Variants in NRXN1 observed in about 807,000 individuals in gnomAD.
NRXN1 encodes neurexin 1, also known as neurexin-1.
Under a neutral mutation model 150.9 loss-of-function variants are expected in NRXN1, and 39 were observed. The ratio of observed to expected loss-of-function variants is 0.26; its 90% confidence interval spans 0.20 to 0.34. The LOEUF (loss-of-function observed/expected upper bound fraction) is 0.34, where lower values mean the gene tolerates loss of function less well. Ranked by LOEUF, NRXN1 falls within the 10% of genes least tolerant of loss-of-function variation. The pLI is 1.00. For synonymous variants in NRXN1, 924 were observed against 757.0 expected (o/e 1.22, Z -3.62); for missense variants, 1,815 against 1,949.9 (o/e 0.93, Z 1.30).
chr2:50,801,381 T>A (rs1297643161), intron 5 of NRXN1, among the ~76,000 whole-genome samples: 1 of 152,170 alleles, frequency 6.6e-6, no homozygotes, highest in African/African-American at 2.4e-5. Flanking sequence ...GTATTGTGAA[T>A]CACTTTATTT....
intron 5 of NRXN1, among the ~76,000 whole-genome samples, chr2:50,641,146 T>C (rs1346099845): frequency 1.3e-5 from 2 of 152,076 alleles, no homozygotes; most frequent in African/African-American, 4.8e-5. Context: ...CAAAAAATGG[T>C]TTTTGCTTCC....
chr2:50,685,444 T>A (rs1691081427), intron 5 of NRXN1, among the ~76,000 whole-genome samples: 1 of 152,172 alleles, frequency 6.6e-6, no homozygotes, highest in Non-Finnish European at 1.5e-5. Flanking sequence ...CAACTATTTT[T>A]TCTCCCACAA....
At chr2:50,742,124 T>C (rs1011911389) in intron 5 of NRXN1, among the ~76,000 whole-genome samples, 1 of 152,144 alleles carries the variant, frequency 6.6e-6, no homozygotes, top group African/African-American at 2.4e-5. Flanking sequence ...TTATCACTTA[T>C]TTTGTCCCAT....
At chr2:50,225,636 G>C (rs1274563731) in intron 18 of NRXN1, among the ~76,000 whole-genome samples, 1 of 151,966 alleles carries the variant, frequency 6.6e-6, no homozygotes, top group African/African-American at 2.4e-5. Flanking sequence ...CTAGGAAAAA[G>C]AGAAGGACAG....
chr2:49,936,841 CAT>C (rs1255961485), intron 22 of NRXN1, among the ~76,000 whole-genome samples: 3 of 151,676 alleles, frequency 2.0e-5, no homozygotes, highest in Non-Finnish European at 4.4e-5. Context: ...CACACACACA[CAT>C]ATGAAATACC....
At chr2:50,163,477 T>C (rs7599263) in intron 18 of NRXN1, among the ~76,000 whole-genome samples, 78,268 of 151,950 alleles carry the variant, frequency 0.52, 23,172 homozygotes, top group African/African-American at 0.8. Context: ...TATCAAGGCT[T>C]TCTTTACTTT....
chr2:50,518,656 T>TA (rs60226444), intron 12 of NRXN1, among the ~76,000 whole-genome samples: 1,661 of 151,568 alleles, frequency 0.011, 29 homozygotes, highest in African/African-American at 0.035. Context: ...TGCATTTTTT[T>TA]AAAATTAAAT....
intron 16 of NRXN1, among the ~76,000 whole-genome samples, chr2:50,467,838 A>G (rs2089060336): frequency 6.6e-6 from 1 of 151,554 alleles, no homozygotes; most frequent in Non-Finnish European, 1.5e-5. Context: ...CTAAGAACTA[A>G]CAAAGAACTA....
At chr2:50,119,280 TG>T (rs1373276504) in intron 18 of NRXN1, among the ~76,000 whole-genome samples, 2 of 152,188 alleles carry the variant, frequency 1.3e-5, no homozygotes, top group African/African-American at 2.4e-5. Context: ...AAGAAAAGAA[TG>T]TAAACAATAG....
chr2:50,905,888 C>T (rs1227206082), intron 5 of NRXN1, among the ~76,000 whole-genome samples: 1 of 152,054 alleles, frequency 6.6e-6, no homozygotes, highest in Non-Finnish European at 1.5e-5. Context: ...AAATATTTAA[C>T]ACTATTGAAT....
rs190079898 is a variant in NRXN1, at chr2:50,721,454, G to C, written c.833-97839C>G. On this transcript the variant is annotated intron_variant, in intron 5 of 22. Coordinates refer to ENST00000401669, the MANE Select transcript of NRXN1 (RefSeq NM_001330078.2). ...AGCATACAGATTCCTCTGAGGTGCAGTAACCACTTTTGTATTTATAGTTAT... is the reference window on the plus strand; with the variant it reads ...AGCATACAGATTCCTCTGAGGTGCACTAACCACTTTTGTATTTATAGTTAT... 1.1e-4 allele frequency among the ~76,000 whole-genome samples: 16 copies of C among 152,300 alleles called. No homozygotes were observed. In the East Asian group the frequency reaches 3.1e-3, roughly 29 times the overall value.
At chr2:50,227,226 G>C (rs888288690) in intron 18 of NRXN1, among the ~76,000 whole-genome samples, 12 of 150,820 alleles carry the variant, frequency 8.0e-5, no homozygotes, top group African/African-American at 2.4e-4. Context: ...GTTTGACTTT[G>C]CTTTGTCCTG....
intron 17 of NRXN1, among the ~76,000 whole-genome samples, chr2:50,418,502 G>T (rs1307870871): frequency 6.6e-6 from 1 of 152,062 alleles, no homozygotes; most frequent in Non-Finnish European, 1.5e-5. Flanking sequence ...AAAGGGAGCG[G>T]TGCTTTGTAT....
chr2:50,415,365 T>A (rs758345410), intron 17 of NRXN1, among the ~76,000 whole-genome samples: 21 of 152,144 alleles, frequency 1.4e-4, no homozygotes, highest in Non-Finnish European at 2.6e-4. Context: ...TTTTTATGGC[T>A]CAAATATAAT....
At chr2:50,163,509 G>A (rs182066784) in intron 18 of NRXN1, among the ~76,000 whole-genome samples, 2 of 152,106 alleles carry the variant, frequency 1.3e-5, no homozygotes, top group East Asian at 3.9e-4. Flanking sequence ...TTTCTATTTT[G>A]AGCCTTCTTG....
chr2:50,537,875 T>C (rs996323879), intron 10 of NRXN1, among the ~76,000 whole-genome samples: 2 of 152,178 alleles, frequency 1.3e-5, no homozygotes, highest in Non-Finnish European at 2.9e-5. Flanking sequence ...TTTCTTAGCA[T>C]GGGTATTAGC....
chr2:50,975,682 C>T (rs772119206), intron 2 of NRXN1, among the ~76,000 whole-genome samples: 3 of 152,038 alleles, frequency 2.0e-5, no homozygotes, highest in Non-Finnish European at 2.9e-5. Flanking sequence ...GCTTGCCCTG[C>T]GTCCTTTCTT....
At chr2:50,778,679 G>A (rs1389761775) in intron 5 of NRXN1, among the ~76,000 whole-genome samples, 1 of 152,060 alleles carries the variant, frequency 6.6e-6, no homozygotes, top group Non-Finnish European at 1.5e-5. Flanking sequence ...CTAGAAAGAG[G>A]GATATGTTCA....
intron 17 of NRXN1, among the ~76,000 whole-genome samples, chr2:50,245,911 T>C (rs970814295): frequency 3.6e-4 from 54 of 151,916 alleles, no homozygotes; most frequent in African/African-American, 1.3e-3. Flanking sequence ...TTAACTCTAT[T>C]CTTAGTGATT....
Sources: gnomAD v4.1 joint callset for allele counts (sites outside exome capture counted in the v4.1 genomes callset) on GRCh38, gnomAD v4.1.1 for gene constraint, MANE v1.5 for transcripts, NCBI Gene and HGNC (gene_info 2026-07-23, HGNC 2026-07-21) for gene names.